The following REPS1 variants were observed in gnomAD, a reference collection of about 807,000 sequenced individuals.
REPS1 encodes RALBP1 associated Eps domain containing 1.
A neutral mutation model predicts 100.9 loss-of-function variants in REPS1; 39 were observed. The observed-to-expected ratio is 0.39, with a 90% CI of 0.30 to 0.50. REPS1 has a LOEUF of 0.50. Among genes scored for constraint, REPS1 ranks in the 20% least tolerant of loss-of-function variants. REPS1 has a pLI of 0.86. For synonymous variants in REPS1, 324 were observed against 340.3 expected, an observed-to-expected ratio of 0.95 and a Z score of 0.53; for missense variants, 821 against 968.5, an observed-to-expected ratio of 0.85 and a Z score of 2.02.
In REPS1 at chr6:138,915,939, G is replaced by T. The variant is rs1780345625; in HGVS notation, c.1639C>A (p.Pro547Thr). Residue 547 changes from proline (P) to threonine (T), a missense_variant, in exon 14 of 20, where the codon CCA becomes ACA. Around this residue, in one of 3 missense-constraint regions of REPS1, gnomAD observed 757 missense variants for 866.4 expected, o/e 0.87. Transcript: ENST00000450536. ...SGTSPDNTAP[P>T]PPPPRPQPSH... ...GGCTGTGGCCTTGGAGGGGGAGGTGGTGGTGCAGTGTTATCAGGCGACGTT... is the reference window on the plus strand; with the variant it reads ...GGCTGTGGCCTTGGAGGGGGAGGTGTTGGTGCAGTGTTATCAGGCGACGTT... The T allele has an allele frequency of 6.2e-7, 1 of 1,613,888 alleles. No homozygotes were observed. Among genetic ancestry groups the T allele is most frequent in the Non-Finnish European group, 8.5e-7 (1 of 1,179,936 alleles).
chr6:138,943,979 T>C lies in REPS1; in HGVS notation c.790A>G (p.Thr264Ala). 2 of 1,613,884 alleles carry C rather than the reference T, an allele frequency of 1.2e-6. No homozygotes were observed. The highest frequency in any genetic ancestry group is 1.7e-6 in the Non-Finnish European group (2 of 1,179,878). ...GATTGCCTACGAATTTCAATGGCAG[T>C]TGTAGCTGATGCTACAGTTCGTACT... ...TTVRTVASAT[T>A]AIEIRRQSSS... The change falls in exon 6 of 20, where the codon ACT becomes GCT. Residue 264 changes from threonine to alanine, a missense_variant. Thr to Ala is a moderately conservative substitution (Grantham distance 58). Transcript: ENST00000450536.
chr6:138,908,654 A>G lies in REPS1; in HGVS notation c.2216+14T>C. ...TCCTAGTAATTAAATGTGTCTAGGA[A>G]TAGCTTTGATTACCTGGGAATAGAA... On this transcript the variant is annotated intron_variant, in intron 18 of 19. Coordinates refer to ENST00000450536, the MANE Select transcript of REPS1 (RefSeq NM_001286611.2). The G allele has an allele frequency of 1.2e-6, 2 of 1,613,812 alleles. No individual in the cohort carries two copies. Among genetic ancestry groups the G allele is most frequent in the South Asian group, 2.2e-5 (2 of 91,030 alleles).
At chr6:138,926,336 A>C in intron 10 of REPS1, 65 bp downstream of exon 10, 1 of 1,208,728 alleles carries the variant, frequency 8.3e-7, no homozygotes, top group Non-Finnish European at 1.2e-6. Context: ...GCTAAAAACG[A>C]TAATGAATGG....
chr6:138,923,542 AGACTAAC>A (rs1380937506), intron 10 of REPS1, among the ~76,000 whole-genome samples: 1 of 152,234 alleles, frequency 6.6e-6, no homozygotes, highest in Admixed American at 6.5e-5. Context: ...ATCACAGCAA[AGACTAAC>A]GCATTACACT....
At chr6:138,946,383 G>A (rs1201128614) in intron 2 of REPS1, among the ~76,000 whole-genome samples, 1 of 152,160 alleles carries the variant, frequency 6.6e-6, no homozygotes, top group Non-Finnish European at 1.5e-5. Flanking sequence ...GAAACTGTTT[G>A]CAGGTAAATA....
intron 1 of REPS1, among the ~76,000 whole-genome samples, chr6:138,972,022 C>T (rs1784371698): frequency 6.6e-6 from 1 of 152,136 alleles, no homozygotes; most frequent in Admixed American, 6.6e-5. Context: ...AACTTGCTCA[C>T]AATATTGCTG....
intron 1 of REPS1, among the ~76,000 whole-genome samples, chr6:138,966,126 T>C (rs540467349): frequency 5.9e-5 from 9 of 152,276 alleles, no homozygotes; most frequent in Admixed American, 1.3e-4. Context: ...AACTGTACTA[T>C]GTTGCCACTA....
intron 14 of REPS1, 135 bp from the exon 15 acceptor site, chr6:138,914,896 A>C (rs1780249126): frequency 2.7e-6 from 2 of 740,100 alleles, no homozygotes; most frequent in African/African-American, 1.8e-5. Flanking sequence ...GCAAGTACTA[A>C]CTTGTTACAT....
chr6:138,908,724 A>G lies in REPS1; in HGVS notation c.2160T>C (p.His720=). 2 of 1,614,128 alleles carry G rather than the reference A, an allele frequency of 1.2e-6. No homozygotes were observed. The highest frequency in any genetic ancestry group is 1.7e-6 in the Non-Finnish European group (2 of 1,179,990). The change falls in exon 18 of 20, where the codon CAT becomes CAC. Residue 720 remains histidine (H), a synonymous_variant. Coordinates refer to ENST00000450536, the MANE Select transcript of REPS1 (RefSeq NM_001286611.2). ...CAGCTAAGACACCCGTCTTTTGTGT[A>G]TGTTCATCAACTTCTGGCCTTAATT... ...EDELRPEVDE[H]TQKTGVLAAV...
intron 10 of REPS1, among the ~76,000 whole-genome samples, chr6:138,925,346 G>A (rs558898914): frequency 1.2e-4 from 18 of 152,174 alleles, no homozygotes; most frequent in East Asian, 3.9e-4. Flanking sequence ...CAGCCTGGGC[G>A]AAAGAGAGAG....
At chr6:138,929,934 A>C in intron 9 of REPS1, 43 bp downstream of exon 9, 1 of 1,604,838 alleles carries the variant, frequency 6.2e-7, no homozygotes, top group Non-Finnish European at 8.5e-7. Flanking sequence ...TCTTACCTTA[A>C]AAGAGTTAAC....
rs369445382 is a variant in REPS1 at position 138,945,264 on chromosome 6, C to T, written c.583G>A (p.Ala195Thr). The change falls in exon 4 of 20, where the codon GCG becomes ACG. Residue 195 changes from alanine (A) to threonine (T), a missense_variant. This residue lies in a region of REPS1 where 757 missense variants were observed against 866.4 expected (regional missense o/e 0.87). Transcript: ENST00000450536. Reference sequence around the variant, plus strand: ...GGAGACCAAAATGGCCCAGGTCCCGCGAGAGGCCTCTCACTATTCCCACCG... The same window carrying T: ...GGAGACCAAAATGGCCCAGGTCCCGTGAGAGGCCTCTCACTATTCCCACCG... The part of the protein sequence containing the change: ...PSGGNSERPL[A>T]GPGPFWSPFG... 92 of 1,610,970 alleles carry T rather than the reference C, an allele frequency of 5.7e-5. 2 individuals are homozygous for T. The highest frequency in any genetic ancestry group is 5.3e-4 in the South Asian group (48 of 90,688).
intron 1 of REPS1, among the ~76,000 whole-genome samples, chr6:138,977,504 A>T (rs73564735): frequency 0.088 from 13,392 of 152,204 alleles, 1,231 homozygotes; most frequent in African/African-American, 0.23. Flanking sequence ...TTTAGCTAAT[A>T]TTATTTATTA....
rs756188622 is a variant in REPS1, at chr6:138,917,615, C to T, written c.1541G>A (p.Ser514Asn). Residue 514 changes from serine (S) to asparagine (N), a missense_variant, in exon 13 of 20, where the codon AGT becomes AAT. Coordinates refer to ENST00000450536, the MANE Select transcript of REPS1 (RefSeq NM_001286611.2). ...GTCAGAAGTAAAAGAGTCTGAACTA[C>T]TGTAACCATCTGCTGATAAATGGGA... is the stretch of plus-strand genomic sequence containing the variant. ...ASGNTVADGY[S>N]SSDSFTSDPE... is the part of the protein sequence containing the mutation. The T allele has an allele frequency of 1.2e-6, 2 of 1,612,844 alleles. No individual in the cohort carries two copies. The highest frequency in any genetic ancestry group is 1.7e-5 in the Admixed American group (1 of 60,014).
At chr6:138,978,094 A>AT (rs1784697444) in intron 1 of REPS1, among the ~76,000 whole-genome samples, 2 of 91,940 alleles carry the variant, frequency 2.2e-5, no homozygotes, top group South Asian at 4.3e-4. Context: ...GCTTTCGCCC[A>AT]GTTTTTTTTT....
intron 8 of REPS1, among the ~76,000 whole-genome samples, chr6:138,938,599 T>G (rs1443740144): frequency 2.0e-5 from 3 of 152,086 alleles, no homozygotes; most frequent in African/African-American, 7.2e-5. Context: ...AGGATACATT[T>G]CCCTTGTTTC....
chr6:138,912,901 G>C lies in REPS1; in HGVS notation c.1835C>G (p.Thr612Ser), dbSNP rs141931003. The change falls in exon 16 of 20, where the codon ACT becomes AGT. Residue 612 changes from threonine (T) to serine (S), a missense_variant. By Grantham distance (58) the Thr-to-Ser change is moderately conservative. This residue lies in a region of REPS1 where 757 missense variants were observed against 866.4 expected (regional missense o/e 0.87). Transcript: ENST00000450536. ...CTGCTGAGGTGAGGTACTAGTGTGA[G>C]TTATGAGGCCATCGGCATCCACTGG... ...HRPVDADGLI[T>S]HTSTSPQQIP... 3 of 1,614,152 alleles carry C rather than the reference G, an allele frequency of 1.9e-6. No homozygotes were observed. In the East Asian group the frequency reaches 6.7e-5, roughly 36 times the overall value.
intron 1 of REPS1, among the ~76,000 whole-genome samples, chr6:138,980,698 G>GA (rs56265843): frequency 8.2e-6 from 1 of 121,778 alleles, no homozygotes; most frequent in African/African-American, 3.3e-5. Context: ...GGGGGGGGGG[G>GA]AACGGAGACT....
chr6:138,911,358 G>A lies in REPS1; in HGVS notation c.1985C>T (p.Ser662Phe). The A allele has an allele frequency of 1.2e-6, 2 of 1,612,246 alleles. No individual in the cohort carries two copies. Among genetic ancestry groups the A allele is most frequent in the Non-Finnish European group, 1.7e-6 (2 of 1,178,540 alleles). ...AACTCGAAGAGAACTTGCAGGATCAGAAGCTTTTTCAGCCTAAAAATGAAT... is the reference window on the plus strand; with the variant it reads ...AACTCGAAGAGAACTTGCAGGATCAAAAGCTTTTTCAGCCTAAAAATGAAT... ...HPEVLPAEKA[S>F]DPASSLRVAK... Residue 662 changes from serine (S) to phenylalanine (F), a missense_variant, in exon 17 of 20, where the codon TCT becomes TTT. This residue lies in a region of REPS1 where 757 missense variants were observed against 866.4 expected (regional missense o/e 0.87). Coordinates refer to ENST00000450536, the MANE Select transcript of REPS1 (RefSeq NM_001286611.2).
Sources: allele counts gnomAD v4.1 joint callset (sites outside exome capture counted in the v4.1 genomes callset), GRCh38; gene constraint gnomAD v4.1.1; regional missense constraint gnomAD v4.1.1; transcripts MANE v1.5; gene names NCBI Gene and HGNC (gene_info 2026-07-23, HGNC 2026-07-21).